The following SLC8A1 variants were observed in gnomAD, a reference collection of about 807,000 sequenced individuals.
SLC8A1 encodes solute carrier family 8 member A1, also known as sodium/calcium exchanger 1.
A neutral mutation model predicts 68.3 loss-of-function variants in SLC8A1; 18 were observed. The ratio of observed to expected loss-of-function variants is 0.26; its 90% CI spans 0.18 to 0.39. The LOEUF (loss-of-function observed/expected upper bound fraction) is 0.39, where lower values mean the gene tolerates loss of function less well. SLC8A1 is among the 10% of genes least tolerant of loss of function. The pLI, the probability that SLC8A1 is intolerant of heterozygous loss-of-function variation, is 1.00. For missense variants in SLC8A1, 985 were observed against 1,156.7 expected, an observed-to-expected ratio of 0.85 and a Z score of 2.15; for synonymous variants, 475 against 415.5, an observed-to-expected ratio of 1.14 and a Z score of -1.74.
intron 2 of SLC8A1, among the ~76,000 whole-genome samples, chr2:40,246,789 C>T (rs971544950): frequency 3.9e-5 from 6 of 152,092 alleles, no homozygotes; most frequent in Non-Finnish European, 7.4e-5. Flanking sequence ...ATTCTGGCTA[C>T]TTTTTCATAG....
At chr2:40,405,661 T>A (rs1690110865) in intron 2 of SLC8A1, among the ~76,000 whole-genome samples, 3 of 152,212 alleles carry the variant, frequency 2.0e-5, no homozygotes. Flanking sequence ...AATGTTAGAA[T>A]GGGAAAAATG....
intron 1 of SLC8A1, among the ~76,000 whole-genome samples, chr2:40,490,460 A>G (rs1705239801): frequency 1.3e-5 from 2 of 152,144 alleles, no homozygotes; most frequent in African/African-American, 4.8e-5. Context: ...TTGTTTGTAT[A>G]AGTATAAATA....
intron 2 of SLC8A1, among the ~76,000 whole-genome samples, chr2:40,219,486 T>C (rs973946839): frequency 6.6e-6 from 1 of 152,200 alleles, no homozygotes; most frequent in Non-Finnish European, 1.5e-5. Context: ...AGATATTTTG[T>C]GCCCAACTCA....
chr2:40,149,975 G>C (rs1008114933), intron 6 of SLC8A1, among the ~76,000 whole-genome samples: 1 of 150,952 alleles, frequency 6.6e-6, no homozygotes, highest in South Asian at 2.1e-4. Context: ...GGTGCAGCAG[G>C]AGCCTTGGGT....
intron 2 of SLC8A1, among the ~76,000 whole-genome samples, chr2:40,282,644 G>A (rs777489135): frequency 2.0e-5 from 3 of 152,114 alleles, no homozygotes; most frequent in Non-Finnish European, 4.4e-5. Flanking sequence ...GTTTAGTACC[G>A]AAATAAAAAC....
At chr2:40,444,880 G>C (rs1459842432) in intron 1 of SLC8A1, among the ~76,000 whole-genome samples, 1 of 151,964 alleles carries the variant, frequency 6.6e-6, no homozygotes, top group Non-Finnish European at 1.5e-5. Context: ...CTGACTATCT[G>C]GGCATTTAAA....
intron 4 of SLC8A1, among the ~76,000 whole-genome samples, chr2:40,166,514 G>A (rs139469922): frequency 2.6e-3 from 394 of 152,302 alleles, no homozygotes; most frequent in Non-Finnish European, 4.2e-3. Context: ...AGAAGCTGCT[G>A]AATGTTAGCA....
chr2:40,461,085 C>T (rs1199058461), intron 1 of SLC8A1, among the ~76,000 whole-genome samples: 6 of 152,096 alleles, frequency 3.9e-5, no homozygotes, highest in South Asian at 2.1e-4. Flanking sequence ...ATCCTATTAC[C>T]GCTCAGCTTA....
intron 2 of SLC8A1, among the ~76,000 whole-genome samples, chr2:40,351,171 T>A (rs894112168): frequency 6.6e-6 from 1 of 152,212 alleles, no homozygotes; most frequent in Non-Finnish European, 1.5e-5. Context: ...CAGTTATTTA[T>A]ATTAAGAACC....
intron 7 of SLC8A1, among the ~76,000 whole-genome samples, chr2:40,119,117 T>C (rs922621195): frequency 1.3e-5 from 2 of 152,178 alleles, no homozygotes; most frequent in Non-Finnish European, 2.9e-5. Flanking sequence ...CAGTAGCCTA[T>C]TAATGTGAAT....
chr2:40,497,706 A>T (rs149600511), intron 1 of SLC8A1, among the ~76,000 whole-genome samples: 2 of 152,028 alleles, frequency 1.3e-5, no homozygotes, highest in Non-Finnish European at 2.9e-5. Context: ...TTATGGGGAG[A>T]CAGTGAGAGA....
exon 8 of SLC8A1, chr2:40,113,351 T>G (rs760540465): frequency 6.5e-6 from 1 of 152,766 alleles, no homozygotes; most frequent in Non-Finnish European, 1.5e-5. Flanking sequence ...CCAAAGTCAT[T>G]CTATTATTTT....
intron 2 of SLC8A1, chr2:40,220,490 G>C (rs1403760040): frequency 6.6e-6 from 1 of 152,172 alleles, no homozygotes; most frequent in African/African-American, 2.4e-5. Context: ...TGTGCACTTT[G>C]TTTGCCACTT....
At chr2:40,145,928 C>T (rs1397183411) in intron 6 of SLC8A1, among the ~76,000 whole-genome samples, 1 of 151,998 alleles carries the variant, frequency 6.6e-6, no homozygotes, top group African/African-American at 2.4e-5. Context: ...CCACTAAATT[C>T]AGTAACCCAA....
intron 2 of SLC8A1, among the ~76,000 whole-genome samples, chr2:40,248,536 T>C (rs887846439): frequency 1.4e-4 from 21 of 152,342 alleles, no homozygotes; most frequent in African/African-American, 4.6e-4. Flanking sequence ...CTTTCTAGCC[T>C]CTGGAACTGT....
At chr2:40,441,498 C>T (rs187782280) in intron 1 of SLC8A1, among the ~76,000 whole-genome samples, 76 of 152,144 alleles carry the variant, frequency 5.0e-4, no homozygotes, top group South Asian at 8.3e-4. Flanking sequence ...CATCACACTA[C>T]CTGACTTCAA....
intron 2 of SLC8A1, among the ~76,000 whole-genome samples, chr2:40,233,565 T>C (rs1467230502): frequency 7.2e-6 from 1 of 138,296 alleles, no homozygotes; most frequent in East Asian, 2.0e-4. Context: ...TCTCTGACGG[T>C]AGTTTCTTTT....
At chr2:40,157,360 A>C (rs555732115) in intron 6 of SLC8A1, among the ~76,000 whole-genome samples, 1 of 152,198 alleles carries the variant, frequency 6.6e-6, no homozygotes, top group East Asian at 1.9e-4. Flanking sequence ...GAGGTGTAGT[A>C]ATCTTCCTGG....
At chr2:40,175,164 C>A (rs761048062) in intron 3 of SLC8A1, 97 bp downstream of exon 4, 23 of 1,245,010 alleles carry the variant, frequency 1.8e-5, no homozygotes, top group Non-Finnish European at 2.4e-5. Flanking sequence ...GCTAGCAAGT[C>A]AAGAGAAATA....
Sources: gnomAD v4.1 joint callset for allele counts (sites outside exome capture counted in the v4.1 genomes callset) on GRCh38, gnomAD v4.1.1 for gene constraint, MANE v1.5 for transcripts, NCBI Gene and HGNC (gene_info 2026-07-23, HGNC 2026-07-21) for gene names.